Variants in PLS3 observed in about 807,000 individuals in gnomAD.
PLS3 encodes the protein plastin 3, also known as plastin-3.
In PLS3, 11 loss-of-function variants were observed where a neutral mutation model predicts 46.5. The ratio of observed to expected loss-of-function variants is 0.24; its 90% confidence interval spans 0.15 to 0.39. The LOEUF is 0.39. Ranked by LOEUF, PLS3 falls within the 10% of genes least tolerant of loss-of-function variation. PLS3 has a pLI of 1.00. For missense variants in PLS3, 308 were observed against 461.8 expected, an observed-to-expected ratio of 0.67 and a Z score of 3.05; for synonymous variants, 167 against 162.2, an observed-to-expected ratio of 1.03 and a Z score of -0.22.
At chrX:115,591,426 A>G (rs1168827099) in intron 1 of PLS3, among the ~76,000 whole-genome samples, 2 of 112,258 alleles carry the variant, frequency 1.8e-5, no homozygotes, top group African/African-American at 3.2e-5. Flanking sequence ...TAGTACTGTT[A>G]TAACGACCTG....
In PLS3 at chrX:115,637,147, C is replaced by T. The variant is rs782489009; in HGVS notation, c.891+169C>T. Among the ~76,000 whole-genome samples, 12 of 111,842 alleles carry T rather than the reference C, an allele frequency of 1.1e-4. No individual in the cohort carries two copies. The East Asian group carries it at 3.4e-3, about 31-fold the overall frequency. ...AGAGCCAGATAAGGTACATTAGCAC[C>T]TATGTTTTATTTTGTGGGAAAAGGT... On this transcript the variant is annotated intron_variant, in intron 8 of 15. Coordinates refer to ENST00000355899, the MANE Select transcript of PLS3 (RefSeq NM_005032.7).
Position 115,648,096 on chromosome X carries a change from A to T in PLS3, c.1760+79A>T, listed in dbSNP as rs955834236. 3.2e-5 allele frequency: 25 copies of T among 792,148 alleles called. No individual in the cohort carries two copies. In the East Asian group the frequency reaches 5.3e-4, roughly 17 times the overall value. 65.3% of individuals were successfully genotyped at this position (792,148 alleles called of 1,213,427 possible). A position where few individuals can be genotyped will look rare whatever the true frequency, so the allele number is the denominator to read the frequency against. ...TCTGAATTCTAATTCAGGTTCTGCC[A>T]TTTAAGAGTGGTGTCACCTTGGGAG... On this transcript the variant is annotated intron_variant, in intron 15 of 15. Transcript: ENST00000355899.
chrX:115,628,106 G>A lies in PLS3; in HGVS notation c.238-1092G>A, dbSNP rs782196379. Among the ~76,000 whole-genome samples, 20 of 112,092 alleles carry A rather than the reference G, an allele frequency of 1.8e-4. No individual in the cohort carries two copies. The East Asian group carries it at 5.3e-3, about 30-fold the overall frequency. Reference sequence around the variant, plus strand: ...ACTCCTTTCGGTCTGACACAGTCCTGTGCGAGACACAAGGCTTGGTTAGTA... The same window carrying A: ...ACTCCTTTCGGTCTGACACAGTCCTATGCGAGACACAAGGCTTGGTTAGTA... On this transcript the variant is annotated intron_variant, in intron 3 of 15. Transcript: ENST00000355899.
intron 2 of PLS3, among the ~76,000 whole-genome samples, chrX:115,613,828 T>G (rs1209396445): frequency 8.9e-6 from 1 of 112,219 alleles, no homozygotes; most frequent in Non-Finnish European, 1.9e-5. Flanking sequence ...ATGCACTAGA[T>G]GCGTTCCTGA....
At chrX:115,583,331 G>T (rs782755528) in intron 1 of PLS3, among the ~76,000 whole-genome samples, 3 of 112,688 alleles carry the variant, frequency 2.7e-5, no homozygotes, top group Non-Finnish European at 5.6e-5. Flanking sequence ...GCCATTCATG[G>T]CAAACTCCCA....
intron 1 of PLS3, among the ~76,000 whole-genome samples, chrX:115,580,819 T>C (rs1298273106): frequency 8.9e-6 from 1 of 112,489 alleles, no homozygotes; most frequent in Non-Finnish European, 1.9e-5. Flanking sequence ...AGTCTAACGC[T>C]AGTTCTTATT....
chrX:115,614,468 C>T (rs2074578036), intron 2 of PLS3: 1 of 749,265 alleles, frequency 1.3e-6, no homozygotes, highest in African/African-American at 2.3e-5. Flanking sequence ...CAGCAACCTC[C>T]AGTCTACCCT....
In PLS3 at chrX:115,610,281, A is replaced by G. The variant is rs2074535495; in HGVS notation, c.31A>G (p.Lys11Glu). The G allele has an allele frequency of 8.5e-7, 1 of 1,173,145 alleles. No individual in the cohort carries two copies. The highest frequency in any genetic ancestry group is 2.3e-5 in the Admixed American group (1 of 42,721). ...TGAGATGGCTACCACTCAGATTTCC[A>G]AAGATGAGCTTGATGAACTCAAAGA... MDEMATTQIS[K>E]DELDELKEAF... The change falls in exon 2 of 16, where the codon AAA becomes GAA. Residue 11 changes from lysine (K) to glutamate (E), a missense_variant. Lys to Glu is a moderately conservative substitution (Grantham distance 56, BLOSUM62 1). Around this residue, in one of 2 missense-constraint regions of PLS3, gnomAD observed 37 missense variants for 26.1 expected, o/e 1.42. Transcript: ENST00000355899.
chrX:115,648,136 C>A, intron 15 of PLS3, 119 bp downstream of exon 15: 2 of 488,889 alleles, frequency 4.1e-6, no homozygotes, highest in Non-Finnish European at 7.0e-6. Context: ...CTCTTGGAGC[C>A]TCAGATTCCT....
At chrX:115,607,625 C>T (rs1556635525) in intron 1 of PLS3, among the ~76,000 whole-genome samples, 3 of 109,967 alleles carry the variant, frequency 2.7e-5, no homozygotes. Context: ...CACTCAACCT[C>T]CCGAGTAGCC....
chrX:115,567,539 C>T (rs1397166603), intron 1 of PLS3, among the ~76,000 whole-genome samples: 2 of 109,422 alleles, frequency 1.8e-5, no homozygotes, highest in African/African-American at 6.7e-5. Flanking sequence ...TACAGTGAGC[C>T]GAGATTGCGC....
chrX:115,638,712 T>G (rs1380449021), intron 8 of PLS3, among the ~76,000 whole-genome samples: 6 of 95,603 alleles, frequency 6.3e-5, no homozygotes, highest in African/African-American at 2.8e-4. Flanking sequence ...TAAATTATTT[T>G]TTGTTTATTT....
intron 1 of PLS3, among the ~76,000 whole-genome samples, chrX:115,572,847 A>T (rs2074224243): frequency 9.0e-6 from 1 of 111,243 alleles, no homozygotes; most frequent in Admixed American, 9.6e-5. Flanking sequence ...TAATCCCAGC[A>T]ATTAGGGAGG....
intron 1 of PLS3, among the ~76,000 whole-genome samples, chrX:115,564,264 G>A (rs1556629863): frequency 8.9e-6 from 1 of 112,153 alleles, no homozygotes; most frequent in Non-Finnish European, 1.9e-5. Context: ...CAACATTGAA[G>A]TCCAAAGTCT....
intron 9 of PLS3, among the ~76,000 whole-genome samples, chrX:115,642,666 T>C (rs1372888029): frequency 9.0e-6 from 1 of 110,610 alleles, no homozygotes; most frequent in Admixed American, 9.7e-5. Flanking sequence ...TGAGAGCCAG[T>C]AGAAAAAAGG....
At chrX:115,646,256 A>G (rs1396109264) in intron 12 of PLS3, 70 bp downstream of exon 12, 4 of 883,941 alleles carry the variant, frequency 4.5e-6, no homozygotes, top group Non-Finnish European at 6.5e-6. Flanking sequence ...TTTGTTTCTA[A>G]AACTCTTGAC....
chrX:115,606,165 C>CTTTTTTTTTTTTTTTTTTTTTTTTTTT lies in PLS3; in HGVS notation c.-8-4053_-8-4052insTTTTTTTTTTTTTTTTTTTTTTTTTTT, dbSNP rs782575149. On this transcript the variant is annotated intron_variant, in intron 1 of 15. Coordinates refer to ENST00000355899, the MANE Select transcript of PLS3 (RefSeq NM_005032.7). ...TTTTCTTTCTTTTTTCTTTTCTTTT[C>CTTTTTTTTTTTTTTTTTTTTTTTTTTT]TTTTTTTTTTTTTTTTTTTTTTTTT... is the stretch of plus-strand genomic sequence containing the variant. Among the ~76,000 whole-genome samples the CTTTTTTTTTTTTTTTTTTTTTTTTTTT allele has an allele frequency of 2.3e-4, 7 of 30,282 alleles. 1 individual carries two copies. Among genetic ancestry groups the CTTTTTTTTTTTTTTTTTTTTTTTTTTT allele is most frequent in the African/African-American group, 1.1e-3 (7 of 6,112 alleles). 26.3% of individuals were successfully genotyped at this position (30,282 alleles called of 115,157 possible). A position where few individuals can be genotyped will look rare whatever the true frequency, so the allele number is the denominator to read the frequency against.
chrX:115,606,378 T>C (rs1005706208), intron 1 of PLS3, among the ~76,000 whole-genome samples: 11 of 109,324 alleles, frequency 1.0e-4, no homozygotes, highest in Non-Finnish European at 2.1e-4. Flanking sequence ...GCTCAAGTGA[T>C]CTGCCCGCTT....
intron 1 of PLS3, among the ~76,000 whole-genome samples, chrX:115,570,273 T>C (rs2074204808): frequency 9.1e-6 from 1 of 109,928 alleles, no homozygotes; most frequent in Admixed American, 9.8e-5. Flanking sequence ...ATTGAGGAGG[T>C]TTCTTAACTC....
Sources: gnomAD v4.1 joint callset for allele counts (sites outside exome capture counted in the v4.1 genomes callset) on GRCh38, gnomAD v4.1.1 for gene constraint, gnomAD v4.1.1 regional missense constraint, MANE v1.5 for transcripts, NCBI Gene and HGNC (gene_info 2026-07-23, HGNC 2026-07-21) for gene names.